Variants in VTI1A observed in about 807,000 individuals in gnomAD.
The protein encoded by VTI1A is vesicle transport through interaction with t-SNAREs homolog 1A.
In VTI1A, 22 loss-of-function variants were observed where a neutral mutation model predicts 34.9. That is an observed-to-expected ratio of 0.63 (90% CI 0.45 to 0.90). The LOEUF (loss-of-function observed/expected upper bound fraction) is 0.90, where lower values mean the gene tolerates loss of function less well. VTI1A is among the 40% of genes least tolerant of loss of function. The pLI is 0.00. For missense variants in VTI1A, 268 were observed against 275.6 expected (o/e 0.97, Z 0.20); for synonymous variants, 87 against 97.3 (o/e 0.89, Z 0.62).
chr10:112,590,152 G>A (rs1389792011), intron 5 of VTI1A, among the ~76,000 whole-genome samples: 1 of 152,140 alleles, frequency 6.6e-6, no homozygotes, highest in East Asian at 1.9e-4. Flanking sequence ...TTGAGTCCTA[G>A]CTAGGACCTA....
the VTI1A span, among the ~76,000 whole-genome samples, chr10:112,835,506 G>A: frequency 6.6e-6 from 1 of 152,192 alleles, no homozygotes; most frequent in East Asian, 1.9e-4. Context: ...CTGCAAAGTA[G>A]TGCCAAGTGT....
chr10:112,708,879 GTT>G (rs1849295602), intron 7 of VTI1A, among the ~76,000 whole-genome samples: 1 of 152,296 alleles, frequency 6.6e-6, no homozygotes, highest in East Asian at 1.9e-4. Context: ...CTAAAAACAT[GTT>G]TCGTAGTTAC....
chr10:112,668,154 T>A, intron 5 of VTI1A, 64 bp from the exon 6 acceptor site: 1 of 1,360,202 alleles, frequency 7.4e-7, no homozygotes. Context: ...TTTTAGTATT[T>A]CTGAGATTTA....
intron 7 of VTI1A, among the ~76,000 whole-genome samples, chr10:112,783,466 C>T (rs1315453746): frequency 1.3e-5 from 2 of 151,954 alleles, no homozygotes; most frequent in African/African-American, 4.8e-5. Context: ...GTGTACATTC[C>T]TTCTAGGTTC....
intron 1 of VTI1A, among the ~76,000 whole-genome samples, chr10:112,455,816 G>T (rs1278268716): frequency 6.6e-6 from 1 of 152,000 alleles, no homozygotes; most frequent in Non-Finnish European, 1.5e-5. Flanking sequence ...ATCACAAAAT[G>T]AATTTTATGA....
chr10:112,828,682 G>A, the VTI1A span, among the ~76,000 whole-genome samples: 1 of 151,910 alleles, frequency 6.6e-6, no homozygotes, highest in Admixed American at 6.6e-5. Flanking sequence ...TGGGATTACA[G>A]GCATGAGCCA....
chr10:112,634,017 G>A (rs1363211694), intron 5 of VTI1A, among the ~76,000 whole-genome samples: 2 of 152,140 alleles, frequency 1.3e-5, no homozygotes, highest in Non-Finnish European at 1.5e-5. Context: ...GAGTAATAGA[G>A]CTTTCTTCCC....
Position 112,606,224 on chromosome 10 carries a change from C to T in VTI1A, c.428-61994C>T, listed in dbSNP as rs181267222. On this transcript the variant is annotated intron_variant, in intron 5 of 7. Coordinates refer to ENST00000393077, the MANE Select transcript of VTI1A (RefSeq NM_145206.4). ...ATTTTTAGTAGAGATGGGGTTTCTC[C>T]ATGTTGGTCAGGCTGGCCTCGAACT... Among the ~76,000 whole-genome samples, 758 of 152,076 alleles carry T rather than the reference C, an allele frequency of 5.0e-3. 11 individuals carry two copies. The highest frequency in any genetic ancestry group is 0.017 in the African/African-American group (724 of 41,468).
intron 1 of VTI1A, among the ~76,000 whole-genome samples, chr10:112,458,222 T>C (rs562749169): frequency 4.9e-4 from 74 of 152,330 alleles, no homozygotes; most frequent in African/African-American, 1.7e-3. Flanking sequence ...TCCTATCAAC[T>C]GAATACCTTA....
intron 3 of VTI1A, among the ~76,000 whole-genome samples, chr10:112,524,957 C>T (rs545143030): frequency 2.6e-5 from 4 of 152,284 alleles, no homozygotes; most frequent in South Asian, 2.1e-4. Flanking sequence ...CAAGCTTTGG[C>T]TTGATCTAAA....
At chr10:112,552,608 TA>T (rs113532693) in intron 5 of VTI1A, among the ~76,000 whole-genome samples, 16,874 of 142,182 alleles carry the variant, frequency 0.12, 1,839 homozygotes, top group African/African-American at 0.28. Context: ...AGAGACCTTT[TA>T]AAAAAAAAAA....
intron 1 of VTI1A, chr10:112,450,145 GCCTCCCAAA>G (rs1847181041): frequency 6.6e-6 from 1 of 152,144 alleles, no homozygotes; most frequent in South Asian, 2.1e-4. Flanking sequence ...ACCCACTTGG[GCCTCCCAAA>G]GTGCTGGGAT....
chr10:112,768,946 C>A (rs1851725090), intron 7 of VTI1A, among the ~76,000 whole-genome samples: 1 of 152,150 alleles, frequency 6.6e-6, no homozygotes, highest in Non-Finnish European at 1.5e-5. Flanking sequence ...TATAGGAATT[C>A]ATTTCTCTTG....
intron 7 of VTI1A, chr10:112,736,868 T>A: frequency 1.2e-6 from 1 of 807,106 alleles, no homozygotes; most frequent in Non-Finnish European, 2.1e-6. Context: ...GGAAAATGAG[T>A]AGTGAGATGA....
rs538166093 is a variant in VTI1A, at chr10:112,525,598, C to G, written c.265-1489C>G. On this transcript the variant is annotated intron_variant, in intron 3 of 7. Coordinates refer to ENST00000393077, the MANE Select transcript of VTI1A (RefSeq NM_145206.4). ...TTTATTTATTTTTATTTCTATTCAG[C>G]CTTTTCAACTGGGTTCTGCCAGAGA... 3.3e-5 allele frequency among the ~76,000 whole-genome samples: 5 copies of G among 152,244 alleles called. No homozygotes were observed. In the South Asian group the frequency reaches 1.0e-3, roughly 32 times the overall value.
At chr10:112,610,184 T>G (rs866222321) in intron 5 of VTI1A, among the ~76,000 whole-genome samples, 63 of 151,956 alleles carry the variant, frequency 4.1e-4, no homozygotes, top group Non-Finnish European at 7.8e-4. Flanking sequence ...TCTTTTTTTT[T>G]TTTTCCTCAA....
At chr10:112,585,050 T>C (rs1254707232) in intron 5 of VTI1A, among the ~76,000 whole-genome samples, 1 of 152,214 alleles carries the variant, frequency 6.6e-6, no homozygotes, top group Admixed American at 6.5e-5. Flanking sequence ...TAACAAGGAT[T>C]ACACAAACTA....
At chr10:112,641,462 A>G (rs1407783803) in intron 5 of VTI1A, among the ~76,000 whole-genome samples, 1 of 152,130 alleles carries the variant, frequency 6.6e-6, no homozygotes, top group Admixed American at 6.5e-5. Context: ...GCTATAGCAA[A>G]TGACCAGGTG....
intron 5 of VTI1A, among the ~76,000 whole-genome samples, chr10:112,611,175 A>T (rs1304871921): frequency 1.3e-5 from 2 of 152,230 alleles, no homozygotes; most frequent in Non-Finnish European, 2.9e-5. Flanking sequence ...ACGACAATAG[A>T]GTAATGTTAC....
Sources: allele counts gnomAD v4.1 joint callset (sites outside exome capture counted in the v4.1 genomes callset), GRCh38; gene constraint gnomAD v4.1.1; transcripts MANE v1.5; gene names NCBI Gene and HGNC (gene_info 2026-07-23, HGNC 2026-07-21).